Variants in STK3 observed in about 807,000 individuals in gnomAD.
The protein encoded by STK3 is serine/threonine kinase 3.
In STK3, 41 loss-of-function variants were observed where a neutral mutation model predicts 58.0. The observed-to-expected ratio is 0.71, with a 90% CI of 0.55 to 0.92. The LOEUF is 0.92. Ranked by LOEUF, STK3 falls within the 40% of genes least tolerant of loss-of-function variation. STK3 has a pLI of 0.00. For synonymous variants in STK3, 170 were observed against 191.0 expected (o/e 0.89, Z 0.91); for missense variants, 479 against 602.7 (o/e 0.79, Z 2.15).
At chr8:98,458,827 T>C (rs985013826) in intron 10 of STK3, among the ~76,000 whole-genome samples, 37 of 152,184 alleles carry the variant, frequency 2.4e-4, no homozygotes, top group African/African-American at 8.0e-4. Context: ...TCCACCATGA[T>C]TGTAAATTTC....
chr8:98,700,560 G>T (rs910297034), intron 6 of STK3, among the ~76,000 whole-genome samples: 1 of 152,156 alleles, frequency 6.6e-6, no homozygotes, highest in South Asian at 2.1e-4. Flanking sequence ...AACAGAGATT[G>T]TCATGCTTTA....
At chr8:98,916,266 T>C (rs1391872797) in intron 1 of STK3, among the ~76,000 whole-genome samples, 2 of 152,008 alleles carry the variant, frequency 1.3e-5, no homozygotes, top group African/African-American at 4.8e-5. Flanking sequence ...ATACAAAAAT[T>C]AGCTGGGTGT....
At chr8:98,677,049 G>C (rs1823269066) in intron 6 of STK3, among the ~76,000 whole-genome samples, 1 of 152,160 alleles carries the variant, frequency 6.6e-6, no homozygotes, top group Admixed American at 6.5e-5. Context: ...TTAATAAGCA[G>C]TGAGCTCTTC....
chr8:98,735,790 T>G (rs1452689595), intron 4 of STK3, among the ~76,000 whole-genome samples: 1 of 152,102 alleles, frequency 6.6e-6, no homozygotes, highest in Non-Finnish European at 1.5e-5. Context: ...CAACTCAGAC[T>G]CAGTTACAAT....
intron 8 of STK3, among the ~76,000 whole-genome samples, chr8:98,561,511 T>C (rs1250037559): frequency 6.6e-6 from 1 of 151,950 alleles, no homozygotes; most frequent in East Asian, 1.9e-4. Flanking sequence ...ATAATAAAAC[T>C]AAACACTTCA....
At chr8:98,667,752 A>G (rs1822479839) in intron 6 of STK3, among the ~76,000 whole-genome samples, 1 of 152,132 alleles carries the variant, frequency 6.6e-6, no homozygotes, top group African/African-American at 2.4e-5. Context: ...TTCACAACAT[A>G]TAAGGAAAAA....
chr8:98,345,200 A>G, the STK3 span, among the ~76,000 whole-genome samples: 2 of 152,040 alleles, frequency 1.3e-5, no homozygotes, highest in Non-Finnish European at 2.9e-5. Flanking sequence ...TGTATGCTTA[A>G]TCTAGCAATG....
chr8:98,476,124 A>C (rs1321497881), intron 10 of STK3, among the ~76,000 whole-genome samples: 1 of 152,188 alleles, frequency 6.6e-6, no homozygotes, highest in African/African-American at 2.4e-5. Flanking sequence ...TTGTATTCAA[A>C]ACATTGGGGG....
At chr8:98,451,896 A>C (rs1006337132), downstream of STK3, among the ~76,000 whole-genome samples, 147 of 123,452 alleles carry the variant, frequency 1.2e-3, 1 homozygote, top group Admixed American at 2.6e-3. Flanking sequence ...AAAAAAAAAA[A>C]AACAAAAAAA....
chr8:98,386,051 C>T (rs1399858192), intron 1 of STK3, among the ~76,000 whole-genome samples: 1 of 152,112 alleles, frequency 6.6e-6, no homozygotes, highest in Non-Finnish European at 1.5e-5. Flanking sequence ...AAGCAAAGCT[C>T]TGAAAGTTTG....
At chr8:98,349,119 T>A in the STK3 span, among the ~76,000 whole-genome samples, 2 of 152,234 alleles carry the variant, frequency 1.3e-5, no homozygotes, top group African/African-American at 4.8e-5. Context: ...TAGAGGGAAC[T>A]TAAATGTGTA....
At chr8:98,638,816 G>A (rs1819805152) in intron 6 of STK3, among the ~76,000 whole-genome samples, 1 of 152,092 alleles carries the variant, frequency 6.6e-6, no homozygotes, top group Non-Finnish European at 1.5e-5. Context: ...AGAGGGGGTG[G>A]TTTAAAATGT....
intron 1 of STK3, among the ~76,000 whole-genome samples, chr8:98,933,205 T>C (rs1840065993): frequency 6.6e-6 from 1 of 152,214 alleles, no homozygotes; most frequent in Admixed American, 6.5e-5. Flanking sequence ...GTAAAACATA[T>C]GTGTCCTTCC....
At chr8:98,660,964 A>C (rs560397760) in intron 6 of STK3, among the ~76,000 whole-genome samples, 1 of 151,524 alleles carries the variant, frequency 6.6e-6, no homozygotes, top group Middle Eastern at 3.4e-3. Context: ...AAAAACAAAA[A>C]GGAAGTTCTT....
chr8:98,632,804 G>C (rs1819357699), intron 6 of STK3, among the ~76,000 whole-genome samples: 1 of 152,090 alleles, frequency 6.6e-6, no homozygotes, highest in Admixed American at 6.6e-5. Flanking sequence ...CTCACCCACA[G>C]CTGAACACAT....
intron 6 of STK3, among the ~76,000 whole-genome samples, chr8:98,631,679 T>TC (rs1201228014): frequency 6.6e-6 from 1 of 152,140 alleles, no homozygotes; most frequent in Non-Finnish European, 1.5e-5. Flanking sequence ...TGTGTTTTTT[T>TC]CCCGAGACAG....
intron 6 of STK3, among the ~76,000 whole-genome samples, chr8:98,612,997 A>G (rs1817323041): frequency 6.6e-6 from 1 of 152,162 alleles, no homozygotes; most frequent in South Asian, 2.1e-4. Flanking sequence ...CCCACTACCC[A>G]CTGAGGAGGA....
intron 6 of STK3, among the ~76,000 whole-genome samples, chr8:98,649,871 C>A (rs1820738189): frequency 6.6e-6 from 1 of 152,172 alleles, no homozygotes; most frequent in African/African-American, 2.4e-5. Context: ...CCAGCATGCT[C>A]TTTCCTTCAT....
chr8:98,702,704 G>A (rs1563909258), intron 6 of STK3, among the ~76,000 whole-genome samples: 4 of 152,122 alleles, frequency 2.6e-5, no homozygotes, highest in Admixed American at 1.3e-4. Context: ...CAGCTAGTGG[G>A]CAGGCATAGT....
Sources: gnomAD v4.1 joint callset for allele counts (sites outside exome capture counted in the v4.1 genomes callset) on GRCh38, gnomAD v4.1.1 for gene constraint, MANE v1.5 for transcripts, NCBI Gene and HGNC (gene_info 2026-07-23, HGNC 2026-07-21) for gene names.